Variants in GALNT13 observed in about 807,000 individuals in gnomAD.
The protein encoded by GALNT13 is UDP-GalNAc:polypeptide N-acetylgalactosaminyltransferase 13.
A neutral mutation model predicts 64.2 loss-of-function variants in GALNT13; 28 were observed. The ratio of observed to expected loss-of-function variants is 0.44; its 90% confidence interval spans 0.32 to 0.60. The LOEUF (loss-of-function observed/expected upper bound fraction) is 0.60, where lower values mean the gene tolerates loss of function less well. GALNT13 is among the 20% of genes least tolerant of loss of function. GALNT13 has a pLI of 0.05. For synonymous variants in GALNT13, 214 were observed against 224.6 expected (o/e 0.95, Z 0.42); for missense variants, 577 against 669.8 (o/e 0.86, Z 1.53).
Position 154,418,112 on chromosome 2 carries a change from C to A in GALNT13, c.1395+9030C>A, listed in dbSNP as rs1010069189. ...TAAAAAATCCCCTTACAGGAATAAA[C>A]GCTTATTAAAAGAATGAACAAGTAA... On this transcript the variant is annotated intron_variant, in intron 11 of 12. Coordinates refer to ENST00000392825, the MANE Select transcript of GALNT13 (RefSeq NM_052917.4). 2.0e-5 allele frequency among the ~76,000 whole-genome samples: 3 copies of A among 151,998 alleles called. No homozygotes were observed. The South Asian group carries it at 6.2e-4, about 31-fold the overall frequency.
At chr2:153,082,596 TATATATATATATATATATATATACACAC>T in the GALNT13 span, among the ~76,000 whole-genome samples, 15 of 45,478 alleles carry the variant, frequency 3.3e-4, no homozygotes, top group Non-Finnish European at 4.2e-5. Flanking sequence ...TATATATATA[TATATATATATATATATATATATACACAC>T]ACACACACAC....
the GALNT13 span, among the ~76,000 whole-genome samples, chr2:153,292,011 C>G: frequency 3.0e-3 from 460 of 152,318 alleles, 1 homozygote; most frequent in African/African-American, 0.011. Flanking sequence ...GCCCTATCCA[C>G]AGGGCCACTT....
At chr2:153,340,950 A>G in the GALNT13 span, among the ~76,000 whole-genome samples, 1 of 152,204 alleles carries the variant, frequency 6.6e-6, no homozygotes, top group Admixed American at 6.5e-5. Flanking sequence ...TTAGAAATGC[A>G]AATTCTTGGG....
At chr2:154,057,229 C>A (rs1699936939) in intron 3 of GALNT13, among the ~76,000 whole-genome samples, 1 of 152,052 alleles carries the variant, frequency 6.6e-6, no homozygotes, top group Non-Finnish European at 1.5e-5. Flanking sequence ...CGGGGTTTCA[C>A]CATGTTAGCC....
the GALNT13 span, among the ~76,000 whole-genome samples, chr2:153,240,250 A>AT: frequency 1.9e-4 from 29 of 151,586 alleles, no homozygotes; most frequent in African/African-American, 5.1e-4. Context: ...AATTTTGTTT[A>AT]TTTTTTTTAA....
chr2:153,242,497 C>G, the GALNT13 span, among the ~76,000 whole-genome samples: 1 of 152,190 alleles, frequency 6.6e-6, no homozygotes, highest in African/African-American at 2.4e-5. Flanking sequence ...TTATTAATTT[C>G]ATGTGGGAAG....
the GALNT13 span, among the ~76,000 whole-genome samples, chr2:153,613,496 A>G: frequency 6.6e-6 from 1 of 152,172 alleles, no homozygotes; most frequent in Non-Finnish European, 1.5e-5. Flanking sequence ...TGAGTTAGGA[A>G]GAGAAAGAGT....
the GALNT13 span, among the ~76,000 whole-genome samples, chr2:153,389,535 C>T: frequency 6.6e-6 from 1 of 152,050 alleles, no homozygotes; most frequent in Non-Finnish European, 1.5e-5. Flanking sequence ...CCCCATTACA[C>T]ACACTGATAC....
the GALNT13 span, among the ~76,000 whole-genome samples, chr2:153,287,694 G>A: frequency 2.0e-5 from 3 of 151,976 alleles, no homozygotes; most frequent in African/African-American, 4.8e-5. Flanking sequence ...TGCTCTTCTT[G>A]ACCTCCAACT....
chr2:153,109,853 G>A, the GALNT13 span, among the ~76,000 whole-genome samples: 4 of 152,170 alleles, frequency 2.6e-5, no homozygotes, highest in African/African-American at 9.6e-5. Context: ...AAGCTAAACA[G>A]TTTTATTTGT....
chr2:154,016,188 A>G (rs746695257), intron 3 of GALNT13, among the ~76,000 whole-genome samples: 1 of 152,198 alleles, frequency 6.6e-6, no homozygotes, highest in African/African-American at 2.4e-5. Context: ...AATACATTCT[A>G]TATCATTTTA....
chr2:153,965,117 A>C (rs1238097805), intron 3 of GALNT13, among the ~76,000 whole-genome samples: 3 of 152,206 alleles, frequency 2.0e-5, no homozygotes, highest in Non-Finnish European at 4.4e-5. Flanking sequence ...TGATATTTTG[A>C]TACAAGCATA....
At chr2:153,952,584 A>C (rs2105405830) in intron 3 of GALNT13, among the ~76,000 whole-genome samples, 1 of 152,238 alleles carries the variant, frequency 6.6e-6, no homozygotes, top group South Asian at 2.1e-4. Flanking sequence ...ATCATCACAG[A>C]GGGCAAAAGG....
intron 2 of GALNT13, among the ~76,000 whole-genome samples, chr2:153,902,715 T>C (rs1688316593): frequency 6.6e-6 from 1 of 151,950 alleles, no homozygotes; most frequent in Admixed American, 6.6e-5. Flanking sequence ...CAGGGAGTAA[T>C]AGTAATAATT....
At chr2:153,271,946 C>A in the GALNT13 span, among the ~76,000 whole-genome samples, 1 of 152,094 alleles carries the variant, frequency 6.6e-6, no homozygotes, top group Non-Finnish European at 1.5e-5. Flanking sequence ...AGAACAGAGG[C>A]CTCAGAAATT....
chr2:153,737,442 T>C, the GALNT13 span, among the ~76,000 whole-genome samples: 1 of 152,140 alleles, frequency 6.6e-6, no homozygotes, highest in Non-Finnish European at 1.5e-5. Context: ...TTTTGGACAT[T>C]CCTTATGTTA....
chr2:154,061,901 A>G (rs1168828629), intron 3 of GALNT13, among the ~76,000 whole-genome samples: 2 of 152,208 alleles, frequency 1.3e-5, no homozygotes, highest in Middle Eastern at 6.3e-3. Context: ...CACTAAGAGT[A>G]TATGTGTACA....
At chr2:153,483,456 G>A in the GALNT13 span, among the ~76,000 whole-genome samples, 1 of 102,298 alleles carries the variant, frequency 9.8e-6, no homozygotes, top group Admixed American at 1.5e-4. Context: ...TTACTCTGTT[G>A]CCCAGGCTGG....
At chr2:153,522,845 T>A in the GALNT13 span, among the ~76,000 whole-genome samples, 7 of 152,066 alleles carry the variant, frequency 4.6e-5, no homozygotes, top group African/African-American at 1.4e-4. Context: ...AGAACAAAAG[T>A]TTGTAGTTTT....
Sources: allele counts gnomAD v4.1 joint callset (sites outside exome capture counted in the v4.1 genomes callset), GRCh38; gene constraint gnomAD v4.1.1; transcripts MANE v1.5; gene names NCBI Gene and HGNC (gene_info 2026-07-23, HGNC 2026-07-21).